The following PRIMPOL variants were observed in gnomAD, a reference collection of about 807,000 sequenced individuals.
PRIMPOL encodes primase and DNA directed polymerase.
PRIMPOL carries 54 observed loss-of-function variants against 63.6 expected under a neutral mutation model. The observed-to-expected ratio is 0.85, with a 90% CI of 0.68 to 1.07. The LOEUF (loss-of-function observed/expected upper bound fraction) is 1.07. PRIMPOL is among the 50% of genes least tolerant of loss of function. The pLI, the probability that PRIMPOL is intolerant of heterozygous loss-of-function variation, is 0.00. For missense variants in PRIMPOL, 610 were observed against 648.3 expected, an observed-to-expected ratio of 0.94 and a Z score of 0.64; for synonymous variants, 197 against 220.2, an observed-to-expected ratio of 0.89 and a Z score of 0.93.
At chr4:184,676,870 TCC>T (rs375558408) in intron 7 of PRIMPOL, among the ~76,000 whole-genome samples, 1 of 404 alleles carries the variant, frequency 2.5e-3, no homozygotes, top group Non-Finnish European at 4.6e-3. Context: ...TCCCTTCCCT[TCC>T]CCCTTCCCTT....
At chr4:184,693,306 C>T (rs900814941) in intron 13 of PRIMPOL, among the ~76,000 whole-genome samples, 2 of 152,140 alleles carry the variant, frequency 1.3e-5, no homozygotes, top group African/African-American at 2.4e-5. Flanking sequence ...AGGAGGATTG[C>T]ATCGCCCTTG....
intron 1 of PRIMPOL, among the ~76,000 whole-genome samples, chr4:184,650,690 A>G (rs1045974656): frequency 2.0e-5 from 3 of 152,252 alleles, no homozygotes; most frequent in African/African-American, 7.2e-5. Flanking sequence ...TCATTTTCGC[A>G]GAAGAATTCA....
chr4:184,682,353 T>C lies in PRIMPOL; in HGVS notation c.1096+17T>C. 7.1e-7 allele frequency: 1 copy of C among 1,407,950 alleles called. No homozygotes were observed. 87.2% of individuals were successfully genotyped at this position (1,407,950 alleles called of 1,614,324 possible). A position where few individuals can be genotyped will look rare whatever the true frequency, so the allele number is the denominator to read the frequency against. Reference sequence around the variant, plus strand: ...GCACTTCAGGTAAATTTTTTGATGTTTGTTTTTCTTTTTGAGACAGCATCT... The same window carrying C: ...GCACTTCAGGTAAATTTTTTGATGTCTGTTTTTCTTTTTGAGACAGCATCT... On this transcript the variant is annotated intron_variant, in intron 9 of 13. Transcript: ENST00000314970.
Position 184,659,385 on chromosome 4 carries a change from C to T in PRIMPOL, c.226C>T (p.Arg76Cys), listed in dbSNP as rs568649420. The T allele has an allele frequency of 4.8e-5, 77 of 1,613,888 alleles. No individual in the cohort carries two copies. Among genetic ancestry groups the T allele is most frequent in the South Asian group, 2.9e-4 (26 of 91,054 alleles). ...GGAATGCAAAGTAGGAGATGGACAA[C>T]GTATTTACCTTGTGACAACCTATGC... The part of the protein sequence containing the change: ...ALECKVGDGQ[R>C]IYLVTTYAEF... Residue 76 changes from arginine to cysteine, a missense_variant, in exon 4 of 14, where the codon CGT becomes TGT. By Grantham distance (180) the Arg-to-Cys change is radical. Coordinates refer to ENST00000314970, the MANE Select transcript of PRIMPOL (RefSeq NM_152683.4).
intron 4 of PRIMPOL, among the ~76,000 whole-genome samples, chr4:184,659,875 C>T (rs1747779053): frequency 6.6e-6 from 1 of 152,152 alleles, no homozygotes; most frequent in East Asian, 1.9e-4. Context: ...GACTGGTCTG[C>T]AGTGCCATGG....
At chr4:184,685,089 A>G (rs1320682498) in intron 9 of PRIMPOL, among the ~76,000 whole-genome samples, 2 of 152,206 alleles carry the variant, frequency 1.3e-5, no homozygotes, top group African/African-American at 4.8e-5. Flanking sequence ...AGGCTAGTGC[A>G]TGGCAACACC....
chr4:184,688,383 T>C (rs977711343), intron 11 of PRIMPOL, among the ~76,000 whole-genome samples: 1 of 152,250 alleles, frequency 6.6e-6, no homozygotes, highest in Non-Finnish European at 1.5e-5. Context: ...TAAAACAATA[T>C]TGTAGTTTTC....
Position 184,694,848 on chromosome 4 carries a change from T to TATC in PRIMPOL, c.*72_*74dup. On this transcript the variant is annotated 3_prime_UTR_variant, in exon 14 of 14. Transcript: ENST00000314970. ...TGATGTCTGTGAGATTTGATAAATA[T>TATC]ATCATTCAACCTGTTTATATAAACT... 1.5e-6 allele frequency: 2 copies of TATC among 1,337,694 alleles called. No homozygotes were observed. Among genetic ancestry groups the TATC allele is most frequent in the South Asian group, 2.6e-5 (2 of 75,634 alleles). 82.9% of individuals were successfully genotyped at this position (1,337,694 alleles called of 1,614,324 possible). A position where few individuals can be genotyped will look rare whatever the true frequency, so the allele number is the denominator to read the frequency against.
intron 13 of PRIMPOL, 145 bp from the exon 14 acceptor site, chr4:184,694,377 T>C (rs1257592055): frequency 2.8e-6 from 4 of 1,414,220 alleles, no homozygotes; most frequent in Non-Finnish European, 3.7e-6. Context: ...CACGGTGAGA[T>C]ATCGGAGACA....
chr4:184,685,434 T>C lies in PRIMPOL; in HGVS notation c.1122T>C (p.Cys374=). 1.2e-6 allele frequency: 2 copies of C among 1,612,564 alleles called. No homozygotes were observed. Among genetic ancestry groups the C allele is most frequent in the Non-Finnish European group, 1.7e-6 (2 of 1,178,594 alleles). ...TAGAAACCATTGAAGGTTTTCAGTG[T>C]TCTCCCTATCCTGAAGTTGATCATT... is the stretch of plus-strand genomic sequence containing the variant. ...TSVETIEGFQ[C]SPYPEVDHFV... is the part of the protein sequence containing the mutation. Residue 374 remains cysteine, a synonymous_variant, in exon 10 of 14, where the codon TGT becomes TGC. Coordinates refer to ENST00000314970, the MANE Select transcript of PRIMPOL (RefSeq NM_152683.4).
chr4:184,691,437 C>A, intron 11 of PRIMPOL, 62 bp from the exon 12 acceptor site: 1 of 966,062 alleles, frequency 1.0e-6, no homozygotes, highest in Non-Finnish European at 1.6e-6. Flanking sequence ...CAGCATGCAG[C>A]TGGATTTTGT....
intron 5 of PRIMPOL, among the ~76,000 whole-genome samples, chr4:184,663,125 ATC>A (rs1748867988): frequency 6.6e-6 from 1 of 151,076 alleles, no homozygotes; most frequent in African/African-American, 2.4e-5. Context: ...GCTCACTGCA[ATC>A]TCTGCCTCCC....
At chr4:184,666,093 G>C in intron 6 of PRIMPOL, 29 bp downstream of exon 6, 1 of 1,540,528 alleles carries the variant, frequency 6.5e-7, no homozygotes, top group Non-Finnish European at 8.8e-7. Flanking sequence ...AAAAATCATG[G>C]AGTTGTATTC....
chr4:184,681,174 G>C (rs992568374), intron 8 of PRIMPOL, among the ~76,000 whole-genome samples: 2 of 152,076 alleles, frequency 1.3e-5, no homozygotes, highest in East Asian at 3.8e-4. Context: ...AATCCTTTAT[G>C]GTTATGAATG....
chr4:184,659,753 A>G (rs1747742708), intron 4 of PRIMPOL, among the ~76,000 whole-genome samples: 1 of 152,226 alleles, frequency 6.6e-6, no homozygotes, highest in African/African-American at 2.4e-5. Context: ...TTACCTAGTA[A>G]TGAAATATCT....
chr4:184,686,332 GC>G, intron 11 of PRIMPOL, among the ~76,000 whole-genome samples: 1 of 152,274 alleles, frequency 6.6e-6, no homozygotes, highest in East Asian at 1.9e-4. Context: ...GTTGCCATTG[GC>G]CCTTGCCACC....
intron 5 of PRIMPOL, among the ~76,000 whole-genome samples, chr4:184,662,145 G>T (rs1396348482): frequency 6.6e-6 from 1 of 152,078 alleles, no homozygotes; most frequent in East Asian, 1.9e-4. Context: ...CTTTGAAAAA[G>T]ATGTCAGTTT....
chr4:184,673,532 C>T (rs868846889), intron 7 of PRIMPOL, among the ~76,000 whole-genome samples: 2 of 151,374 alleles, frequency 1.3e-5, no homozygotes, highest in Middle Eastern at 3.4e-3. Flanking sequence ...TCAAACGATT[C>T]TCCTCCCTCA....
rs757366083 is a variant in PRIMPOL at position 184,657,107 on chromosome 4, G to A, written c.-34G>A. On this transcript the variant is annotated 5_prime_UTR_variant, in exon 3 of 14. Coordinates refer to ENST00000314970, the MANE Select transcript of PRIMPOL (RefSeq NM_152683.4). ...TAGTAATTGATAGAAATATTACGTG[G>A]GATAGGATTTATTCTCTCCACACTT... 6.9e-7 allele frequency: 1 copy of A among 1,442,360 alleles called. No homozygotes were observed. The highest frequency in any genetic ancestry group is 9.2e-7 in the Non-Finnish European group (1 of 1,081,814). The allele number at this position is 1,442,360 out of a possible 1,614,324, so 89.3% of individuals were successfully genotyped here.
Sources: allele counts gnomAD v4.1 joint callset (sites outside exome capture counted in the v4.1 genomes callset), GRCh38; gene constraint gnomAD v4.1.1; transcripts MANE v1.5; gene names NCBI Gene and HGNC (gene_info 2026-07-23, HGNC 2026-07-21).